The following XRCC3 variants were observed in gnomAD, a reference collection of about 807,000 sequenced individuals.
XRCC3 encodes the protein X-ray repair cross complementing 3.
In XRCC3, 34 loss-of-function variants were observed where a neutral mutation model predicts 29.2. The observed-to-expected ratio is 1.16, with a 90% confidence interval of 0.88 to 1.55. The LOEUF (loss-of-function observed/expected upper bound fraction) is 1.55. Among genes scored for constraint, XRCC3 ranks in the 40% most tolerant of loss-of-function variants. The probability of loss-of-function intolerance (pLI) is 0.00; values close to 1 mark genes in which losing one functional copy is unlikely to be tolerated. For missense variants in XRCC3, 463 were observed against 467.6 expected, an observed-to-expected ratio of 0.99 and a Z score of 0.09; for synonymous variants, 223 against 211.3, an observed-to-expected ratio of 1.06 and a Z score of -0.48.
chr14:103,702,941 G>T, intron 7 of XRCC3: 2 of 628,180 alleles, frequency 3.2e-6, no homozygotes, highest in Non-Finnish European at 5.4e-6. Context: ...AAGGGTCCTG[G>T]CAGGATGCTT....
At chr14:103,711,851 C>T (rs769424176) in intron 2 of XRCC3, 11 of 373,882 alleles carry the variant, frequency 2.9e-5, no homozygotes, top group South Asian at 2.0e-4. Context: ...CACTCTGCAT[C>T]CCCTGTCGGC....
chr14:103,706,966 C>A, intron 6 of XRCC3, 37 bp downstream of exon 6: 1 of 1,535,058 alleles, frequency 6.5e-7, no homozygotes, highest in South Asian at 1.2e-5. Context: ...AGGGGCCGCC[C>A]ACCTGCCCAG....
At position 103,698,859 on chromosome 14, in the gene XRCC3, GAGGAGGGGGGC is replaced by G. The variant is rs2082814424; in HGVS notation, c.969_979del (p.Pro324LeufsTer31). On this transcript the variant is annotated frameshift_variant, in exon 10 of 10. Coordinates refer to ENST00000555055, the MANE Select transcript of XRCC3 (RefSeq NM_005432.4). LOFTEE classifies it low-confidence loss of function (END_TRUNC). ...TTCGGCACTGATCGTGTAGGAACAG[GAGGAGGGGGGC>G]AGGTGGGGGGCAGAGAGCACCCGCA... 1 of 1,607,662 alleles carries G rather than the reference GAGGAGGGGGGC, an allele frequency of 6.2e-7. No homozygotes were observed. The highest frequency in any genetic ancestry group is 8.5e-7 in the Non-Finnish European group (1 of 1,177,758).
intron 7 of XRCC3, chr14:103,701,393 T>C (rs918200372): frequency 1.8e-6 from 1 of 556,386 alleles, no homozygotes; most frequent in African/African-American, 1.9e-5. Context: ...GGGCTGGGCC[T>C]AAGCTGGTGC....
intron 4 of XRCC3, 31 bp from the exon 5 acceptor site, chr14:103,708,690 T>C (rs772037442): frequency 1.2e-6 from 2 of 1,613,630 alleles, no homozygotes; most frequent in South Asian, 1.1e-5. Context: ...TACAGGAAAA[T>C]GTCAGACTGT....
At chr14:103,712,402 T>C in intron 2 of XRCC3, 1 of 152,618 alleles carries the variant, frequency 6.6e-6, no homozygotes. Flanking sequence ...CTGGCCAGAG[T>C]GAGGAAGTGA....
Position 103,699,122 on chromosome 14 carries a change from G to A in XRCC3, c.821+11C>T, listed in dbSNP as rs1469515531. On this transcript the variant is annotated intron_variant, in intron 9 of 9. Transcript: ENST00000555055. ...TGCACAGAGGTGCACACACCACATG[G>A]CTGCACTCACCCCAGCGGCCCGTGT... 3 of 1,572,782 alleles carry A rather than the reference G, an allele frequency of 1.9e-6. No individual in the cohort carries two copies. Among genetic ancestry groups the A allele is most frequent in the Non-Finnish European group, 2.6e-6 (3 of 1,159,808 alleles).
chr14:103,703,280 G>A lies in XRCC3; in HGVS notation c.454C>T (p.Gln152Ter), dbSNP rs141201371. Residue 152 changes from glutamine to a stop codon, truncating the protein, a stop_gained, in exon 7 of 10, where the codon CAG becomes TAG. Coordinates refer to ENST00000555055, the MANE Select transcript of XRCC3 (RefSeq NM_005432.4). LOFTEE classifies it high-confidence loss of function. ...TEDAFPHKRLQQLMAQQPRLR... is the reference protein window; with the variant it reads ...TEDAFPHKRL The stretch of plus-strand genomic sequence containing the variant: ...CGCGGCTGCTGGGCCATGAGCTGCT[G>A]CAGGCGCTTGTGCGGGAAGGCGTCT... 1 of 1,557,968 alleles carries A rather than the reference G, an allele frequency of 6.4e-7. No individual in the cohort carries two copies. Among genetic ancestry groups the A allele is most frequent in the Non-Finnish European group, 8.7e-7 (1 of 1,153,326 alleles).
At chr14:103,699,645 G>T in intron 7 of XRCC3, 69 bp from the exon 8 acceptor site, 1 of 1,523,354 alleles carries the variant, frequency 6.6e-7, no homozygotes. Flanking sequence ...GACCCCGTTT[G>T]GACTGTCACT....
chr14:103,707,338 G>T, intron 5 of XRCC3, 123 bp from the exon 6 acceptor site: 1 of 1,246,240 alleles, frequency 8.0e-7, no homozygotes, highest in Admixed American at 2.0e-5. Flanking sequence ...AGGTGCCTGC[G>T]GTCATGGGGG....
At position 103,703,299 on chromosome 14, in the gene XRCC3, G is replaced by A. The variant is rs1340697711; in HGVS notation, c.435C>T (p.Ala145=). The part of the protein sequence containing the change: ...AGAVYICTED[A]FPHKRLQQLM... ...GCTGCTGCAGGCGCTTGTGCGGGAAGGCGTCTTCCGTGCAGATGTAGACGG... is the reference window on the plus strand; with the variant it reads ...GCTGCTGCAGGCGCTTGTGCGGGAAAGCGTCTTCCGTGCAGATGTAGACGG... Residue 145 remains alanine (A), a synonymous_variant, in exon 7 of 10, where the codon GCC becomes GCT. Coordinates refer to ENST00000555055, the MANE Select transcript of XRCC3 (RefSeq NM_005432.4). 2 of 1,555,138 alleles carry A rather than the reference G, an allele frequency of 1.3e-6. No individual in the cohort carries two copies.
chr14:103,698,724 C>A lies in XRCC3; in HGVS notation c.*74G>T. ...GCTCCCAGCTGTGCCACGGCCCAGG[C>A]AGACGCGTTTTAAAGGCCCGAGCCC... On this transcript the variant is annotated 3_prime_UTR_variant, in exon 10 of 10. Coordinates refer to ENST00000555055, the MANE Select transcript of XRCC3 (RefSeq NM_005432.4). The A allele has an allele frequency of 7.3e-7, 1 of 1,373,244 alleles. No homozygotes were observed. Among genetic ancestry groups the A allele is most frequent in the Admixed American group, 2.0e-5 (1 of 50,758 alleles). The allele number at this position is 1,373,244 out of a possible 1,614,324, so 85.1% of individuals were successfully genotyped here. A position where few individuals can be genotyped will look rare whatever the true frequency, so the allele number is the denominator to read the frequency against.
At position 103,698,490 on chromosome 14, in the gene XRCC3, C is replaced by T. The variant is rs2151899147; in HGVS notation, c.*308G>A. 2 of 441,110 alleles carry T rather than the reference C, an allele frequency of 4.5e-6. No individual in the cohort carries two copies. Among genetic ancestry groups the T allele is most frequent in the South Asian group, 4.3e-5 (2 of 46,560 alleles). 27.3% of individuals were successfully genotyped at this position (441,110 alleles called of 1,614,324 possible). A position where few individuals can be genotyped will look rare whatever the true frequency, so the allele number is the denominator to read the frequency against. ...GAAGCAGGCGGCTCCCAGGGAGTCA[C>T]TGTAGGACACCCCAGGCTCCAGCCC... On this transcript the variant is annotated 3_prime_UTR_variant, in exon 10 of 10. Coordinates refer to ENST00000555055, the MANE Select transcript of XRCC3 (RefSeq NM_005432.4).
At chr14:103,706,248 G>T (rs1442679010) in intron 6 of XRCC3, 4 of 448,710 alleles carry the variant, frequency 8.9e-6, no homozygotes, top group African/African-American at 2.0e-5. Flanking sequence ...CACCGCTGCT[G>T]GCAGGTCAGG....
intron 5 of XRCC3, chr14:103,707,592 A>C (rs562071516): frequency 5.3e-6 from 2 of 377,186 alleles, no homozygotes; most frequent in Non-Finnish European, 1.0e-5. Context: ...GGTGCTGAAC[A>C]GTTCTCAAGC....
chr14:103,703,167 A>C lies in XRCC3; in HGVS notation c.561+6T>G, dbSNP rs1595655379. On this transcript the variant is annotated splice_donor_region_variant and intron_variant, in intron 7 of 9. Coordinates refer to ENST00000555055, the MANE Select transcript of XRCC3 (RefSeq NM_005432.4). Reference sequence around the variant, plus strand: ...GGGGGTGTCATGGGGCTTCTCCCACACTCACCACATCGGCCACGTGCTCGA... The same window carrying C: ...GGGGGTGTCATGGGGCTTCTCCCACCCTCACCACATCGGCCACGTGCTCGA... 6.4e-7 allele frequency: 1 copy of C among 1,565,988 alleles called. No individual in the cohort carries two copies. Among genetic ancestry groups the C allele is most frequent in the African/African-American group, 1.4e-5 (1 of 73,748 alleles).
chr14:103,698,474 G>C lies in XRCC3; in HGVS notation c.*324C>G. 1 of 392,980 alleles carries C rather than the reference G, an allele frequency of 2.5e-6. No homozygotes were observed. Among genetic ancestry groups the C allele is most frequent in the South Asian group, 2.4e-5 (1 of 41,892 alleles). 24.3% of individuals were successfully genotyped at this position (392,980 alleles called of 1,614,324 possible). A position where few individuals can be genotyped will look rare whatever the true frequency, so the allele number is the denominator to read the frequency against. On this transcript the variant is annotated 3_prime_UTR_variant, in exon 10 of 10. Coordinates refer to ENST00000555055, the MANE Select transcript of XRCC3 (RefSeq NM_005432.4). ...TTCCATGTGGAGAGAAGAAGCAGGCGGCTCCCAGGGAGTCACTGTAGGACA... is the reference window on the plus strand; with the variant it reads ...TTCCATGTGGAGAGAAGAAGCAGGCCGCTCCCAGGGAGTCACTGTAGGACA...
Position 103,698,768 on chromosome 14 carries a change from A to T in XRCC3, c.*30T>A. 6.4e-7 allele frequency: 1 copy of T among 1,562,960 alleles called. No individual in the cohort carries two copies. Among genetic ancestry groups the T allele is most frequent in the South Asian group, 1.2e-5 (1 of 85,446 alleles). ...CGAGCCCCGTGTGTCGGGGCTTCTCAGGCAGGGCTGTTGTGCAGCCGCCAC... is the reference window on the plus strand; with the variant it reads ...CGAGCCCCGTGTGTCGGGGCTTCTCTGGCAGGGCTGTTGTGCAGCCGCCAC... On this transcript the variant is annotated 3_prime_UTR_variant, in exon 10 of 10. Transcript: ENST00000555055.
chr14:103,703,651 CCT>C (rs59092643), intron 6 of XRCC3: 114,680 of 401,284 alleles, frequency 0.29, 18,259 homozygotes, highest in East Asian at 0.35. Flanking sequence ...CCTCCTTCCC[CCT>C]GTGAACCTCC....
Sources: allele counts gnomAD v4.1 joint callset, GRCh38; gene constraint gnomAD v4.1.1; transcripts MANE v1.5; gene names NCBI Gene and HGNC (gene_info 2026-07-23, HGNC 2026-07-21).